ANK3: variants seen among roughly 807,000 people sequenced by gnomAD.
ANK3 encodes the protein ankyrin-3.
A neutral mutation model predicts 370.9 loss-of-function variants in ANK3; 57 were observed. The observed-to-expected ratio is 0.15, with a 90% CI of 0.12 to 0.19. The LOEUF is 0.19. ANK3 is among the 10% of genes least tolerant of loss of function. The probability of loss-of-function intolerance (pLI) is 1.00; values close to 1 mark genes in which losing one functional copy is unlikely to be tolerated. For missense variants in ANK3, 4,439 were observed against 5,302.1 expected (o/e 0.84, Z 5.06); for synonymous variants, 1,929 against 1,946.3 (o/e 0.99, Z 0.23).
intron 2 of ANK3, among the ~76,000 whole-genome samples, chr10:60,588,759 A>G (rs80302186): frequency 2.3e-4 from 33 of 146,310 alleles, no homozygotes; most frequent in Admixed American, 8.3e-4. Flanking sequence ...ATAAAAAAAA[A>G]CATAGTTGGG....
chr10:60,201,279 CTA>C (rs1319594681), intron 12 of ANK3, among the ~76,000 whole-genome samples: 1 of 152,216 alleles, frequency 6.6e-6, no homozygotes, highest in African/African-American at 2.4e-5. Context: ...TGGCCTATTT[CTA>C]TCTTTTGGTT....
At chr10:60,086,311 T>G (rs1004881378) in intron 30 of ANK3, among the ~76,000 whole-genome samples, 3 of 152,210 alleles carry the variant, frequency 2.0e-5, no homozygotes, top group African/African-American at 4.8e-5. Context: ...TAGTTTAAAG[T>G]ATGTTGCTAA....
At chr10:60,061,739 CT>C (rs35700139) in intron 40 of ANK3, among the ~76,000 whole-genome samples, 26,134 of 145,452 alleles carry the variant, frequency 0.18, 2,503 homozygotes, top group Non-Finnish European at 0.23. Flanking sequence ...TTGACTTAAA[CT>C]TTTTTTTTTT....
At chr10:60,126,343 T>C (rs1391781763) in intron 25 of ANK3, among the ~76,000 whole-genome samples, 1 of 152,202 alleles carries the variant, frequency 6.6e-6, no homozygotes, top group East Asian at 1.9e-4. Flanking sequence ...GTGTTCATTT[T>C]AGAGTGATCA....
intron 1 of ANK3, among the ~76,000 whole-genome samples, chr10:60,376,240 G>A (rs2060757198): frequency 6.6e-6 from 1 of 152,138 alleles, no homozygotes; most frequent in Non-Finnish European, 1.5e-5. Context: ...AAAACAGGCT[G>A]GATAAAGCTC....
chr10:60,603,571 G>T (rs533671951), intron 2 of ANK3, among the ~76,000 whole-genome samples: 2 of 152,128 alleles, frequency 1.3e-5, no homozygotes, highest in East Asian at 3.9e-4. Flanking sequence ...AAAGCCATTT[G>T]CAGAAAAAAT....
At chr10:60,438,250 C>T (rs967112373) in intron 2 of ANK3, among the ~76,000 whole-genome samples, 2 of 151,194 alleles carry the variant, frequency 1.3e-5, no homozygotes, top group Admixed American at 6.6e-5. Flanking sequence ...CATATAAATA[C>T]ATATATATAT....
At chr10:60,250,327 G>C (rs1463666419) in intron 7 of ANK3, among the ~76,000 whole-genome samples, 1 of 152,158 alleles carries the variant, frequency 6.6e-6, no homozygotes, top group Non-Finnish European at 1.5e-5. Flanking sequence ...CCAGTTGAGA[G>C]GTCTTGACTT....
At chr10:60,273,674 C>A (rs571563444) in intron 4 of ANK3, among the ~76,000 whole-genome samples, 3 of 152,296 alleles carry the variant, frequency 2.0e-5, no homozygotes, top group South Asian at 4.1e-4. Flanking sequence ...CCAAATCTCA[C>A]CTTGACTTGT....
chr10:60,174,518 A>G (rs2095873943), intron 18 of ANK3, among the ~76,000 whole-genome samples: 1 of 91,298 alleles, frequency 1.1e-5, no homozygotes, highest in Admixed American at 1.2e-4. Context: ...GTGTCCAATC[A>G]GTGCTCAGTA....
intron 2 of ANK3, among the ~76,000 whole-genome samples, chr10:60,579,123 G>A (rs1437246767): frequency 1.3e-5 from 2 of 151,738 alleles, no homozygotes; most frequent in Admixed American, 6.6e-5. Flanking sequence ...TCAAGAGATC[G>A]AGACCATCTT....
At chr10:60,187,056 C>T in intron 16 of ANK3, 144 bp from the exon 17 acceptor site, 2 of 739,922 alleles carry the variant, frequency 2.7e-6, no homozygotes, top group South Asian at 1.7e-5. Flanking sequence ...ACTGGTAAAC[C>T]AAGTGGTACA....
intron 2 of ANK3, among the ~76,000 whole-genome samples, chr10:60,572,083 C>A (rs1186583868): frequency 6.6e-6 from 1 of 152,030 alleles, no homozygotes; most frequent in Non-Finnish European, 1.5e-5. Flanking sequence ...AACATCTATA[C>A]CATAATAATA....
chr10:60,107,804 T>C (rs2092347740), intron 27 of ANK3, among the ~76,000 whole-genome samples: 1 of 152,146 alleles, frequency 6.6e-6, no homozygotes, highest in Non-Finnish European at 1.5e-5. Flanking sequence ...TACATGTAAT[T>C]GATAGCAAAT....
At chr10:60,261,284 T>C (rs2097799995) in intron 7 of ANK3, among the ~76,000 whole-genome samples, 1 of 152,186 alleles carries the variant, frequency 6.6e-6, no homozygotes, top group Admixed American at 6.5e-5. Flanking sequence ...TGCTACTATG[T>C]TTGGATGTCC....
In ANK3 at chr10:60,071,920, T is replaced by G; in HGVS notation, c.8961A>C (p.Lys2987Asn). ...DGFCEQSAFP[K>N]HELSQKLSQS... Reference sequence around the variant, plus strand: ...GGGACAATTTTTGTGATAGTTCATGTTTTGGAAATGCCGACTGTTCACAAA... The same window carrying G: ...GGGACAATTTTTGTGATAGTTCATGGTTTGGAAATGCCGACTGTTCACAAA... Residue 2987 changes from lysine (K) to asparagine (N), a missense_variant, in exon 37 of 44, where the codon AAA (lysine) becomes AAC (asparagine). This residue lies in a region of ANK3 where 1,601 missense variants were observed against 1,731.7 expected (regional missense o/e 0.92). Transcript: ENST00000280772. 6 of 1,614,082 alleles carry G rather than the reference T, an allele frequency of 3.7e-6. No individual in the cohort carries two copies. The highest frequency in any genetic ancestry group is 5.1e-6 in the Non-Finnish European group (6 of 1,179,998).
chr10:60,259,698 C>T (rs544858765), intron 7 of ANK3, among the ~76,000 whole-genome samples: 4 of 152,290 alleles, frequency 2.6e-5, no homozygotes, highest in South Asian at 4.1e-4. Context: ...TTAGCAACAT[C>T]AGAAAATTTC....
intron 1 of ANK3, among the ~76,000 whole-genome samples, chr10:60,349,362 C>T (rs1299945092): frequency 1.3e-5 from 2 of 152,112 alleles, no homozygotes; most frequent in Non-Finnish European, 2.9e-5. Context: ...ATAGCTCTGG[C>T]AGGAAATTCA....
intron 23 of ANK3, among the ~76,000 whole-genome samples, chr10:60,157,885 AAAGAGAGAGAG>A (rs2095385069): frequency 4.4e-5 from 4 of 91,236 alleles, no homozygotes; most frequent in Admixed American, 1.4e-4. Flanking sequence ...AGAGAGAGAA[AAAGAGAGAGAG>A]AGAGAGAGAG....
Sources: allele counts gnomAD v4.1 joint callset (sites outside exome capture counted in the v4.1 genomes callset), GRCh38; gene constraint gnomAD v4.1.1; regional missense constraint gnomAD v4.1.1; transcripts MANE v1.5; gene names NCBI Gene and HGNC (gene_info 2026-07-23, HGNC 2026-07-21).